The following RNF150 variants were observed in gnomAD, a reference collection of about 807,000 sequenced individuals.
RNF150 encodes ring finger protein 150.
Under a neutral mutation model 39.3 loss-of-function variants are expected in RNF150, and 24 were observed. The observed-to-expected ratio is 0.61, with a 90% CI of 0.44 to 0.86. The LOEUF (loss-of-function observed/expected upper bound fraction) is 0.86. Among genes scored for constraint, RNF150 ranks in the 40% least tolerant of loss-of-function variants. The pLI is 0.00. For synonymous variants in RNF150, 255 were observed against 227.3 expected (o/e 1.12, Z -1.10); for missense variants, 502 against 587.8 (o/e 0.85, Z 1.51).
chr4:141,047,239 T>A (rs1411854382), intron 1 of RNF150, among the ~76,000 whole-genome samples: 1 of 152,140 alleles, frequency 6.6e-6, no homozygotes, highest in East Asian at 1.9e-4. Context: ...CTTGCTAGTT[T>A]TTTACATATG....
At chr4:140,992,744 T>TC in intron 1 of RNF150, among the ~76,000 whole-genome samples, 1 of 152,140 alleles carries the variant, frequency 6.6e-6, no homozygotes, top group East Asian at 1.9e-4. Flanking sequence ...GCCATTCTCC[T>TC]CCCCCTTTCA....
chr4:141,047,237 T>G (rs1424028730), intron 1 of RNF150, among the ~76,000 whole-genome samples: 1 of 152,164 alleles, frequency 6.6e-6, no homozygotes, highest in African/African-American at 2.4e-5. Flanking sequence ...TACTTGCTAG[T>G]TTTTTACATA....
chr4:141,097,115 A>C (rs1183705850), intron 1 of RNF150, among the ~76,000 whole-genome samples: 1 of 152,208 alleles, frequency 6.6e-6, no homozygotes, highest in Non-Finnish European at 1.5e-5. Context: ...TCAAACTATT[A>C]TTTACCAAAA....
At chr4:141,064,887 C>T (rs574508388) in intron 1 of RNF150, among the ~76,000 whole-genome samples, 9 of 152,232 alleles carry the variant, frequency 5.9e-5, no homozygotes, top group South Asian at 2.1e-4. Flanking sequence ...GTTTTTGAGA[C>T]GGAGTTTCAC....
chr4:140,891,514 G>A (rs1432723328), intron 6 of RNF150, among the ~76,000 whole-genome samples: 2 of 152,124 alleles, frequency 1.3e-5, no homozygotes, highest in Non-Finnish European at 2.9e-5. Context: ...ACTGCAACAA[G>A]CCCAGCTGAG....
At chr4:141,170,637 T>G (rs1727699379) in intron 1 of RNF150, among the ~76,000 whole-genome samples, 1 of 152,174 alleles carries the variant, frequency 6.6e-6, no homozygotes, top group South Asian at 2.1e-4. Context: ...AACTTTCATT[T>G]CGACCTCTGA....
chr4:141,109,086 T>A (rs900269294), intron 1 of RNF150, among the ~76,000 whole-genome samples: 5 of 152,224 alleles, frequency 3.3e-5, no homozygotes, highest in African/African-American at 1.2e-4. Flanking sequence ...GAGAGATACA[T>A]TAGCGGTCAC....
chr4:141,051,995 G>A (rs1390594028), intron 1 of RNF150, among the ~76,000 whole-genome samples: 1 of 152,158 alleles, frequency 6.6e-6, no homozygotes, highest in Non-Finnish European at 1.5e-5. Flanking sequence ...ATGGCGGAAG[G>A]CAAGGAGGAC....
intron 1 of RNF150, among the ~76,000 whole-genome samples, chr4:140,980,406 A>G (rs984632755): frequency 1.3e-5 from 2 of 152,114 alleles, no homozygotes; most frequent in Admixed American, 6.5e-5. Context: ...AAACAATCAC[A>G]GTATCATGGA....
intron 1 of RNF150, among the ~76,000 whole-genome samples, chr4:141,178,109 A>C (rs894864887): frequency 2.0e-5 from 3 of 152,152 alleles, no homozygotes; most frequent in African/African-American, 7.2e-5. Flanking sequence ...TGAAAAAAGC[A>C]CTTAGGAAAG....
chr4:141,162,996 C>T (rs1305798622), intron 1 of RNF150, among the ~76,000 whole-genome samples: 1 of 152,194 alleles, frequency 6.6e-6, no homozygotes, highest in Non-Finnish European at 1.5e-5. Flanking sequence ...AGGGAGCCAA[C>T]GGGTCTAACT....
intron 6 of RNF150, among the ~76,000 whole-genome samples, chr4:140,873,187 C>T (rs151006925): frequency 1.3e-5 from 2 of 152,178 alleles, no homozygotes; most frequent in East Asian, 1.9e-4. Flanking sequence ...AATTTGTCTT[C>T]GAAAAAGGAA....
At chr4:141,078,846 CACAT>C (rs1451298932) in intron 1 of RNF150, among the ~76,000 whole-genome samples, 4 of 141,362 alleles carry the variant, frequency 2.8e-5, no homozygotes, top group African/African-American at 8.1e-5. Flanking sequence ...CACACACACA[CACAT>C]ACATACATAC....
chr4:141,010,381 G>T (rs1735030783), intron 1 of RNF150, among the ~76,000 whole-genome samples: 1 of 152,128 alleles, frequency 6.6e-6, no homozygotes, highest in Non-Finnish European at 1.5e-5. Context: ...ATTTACTCAG[G>T]TTGAAACTAA....
intron 1 of RNF150, among the ~76,000 whole-genome samples, chr4:141,003,171 G>T (rs114773485): frequency 0.015 from 2,338 of 152,092 alleles, 55 homozygotes; most frequent in African/African-American, 0.053. Context: ...AATGAATAAA[G>T]AATTGAATTT....
At chr4:140,958,666 T>C (rs948289885) in intron 2 of RNF150, among the ~76,000 whole-genome samples, 7 of 152,082 alleles carry the variant, frequency 4.6e-5, no homozygotes, top group Non-Finnish European at 1.0e-4. Flanking sequence ...CCCATGACTG[T>C]GGTTTCCTCT....
chr4:141,012,524 G>A (rs1474451247), intron 1 of RNF150, among the ~76,000 whole-genome samples: 3 of 152,150 alleles, frequency 2.0e-5, no homozygotes, highest in South Asian at 2.1e-4. Flanking sequence ...TAGACCGGAC[G>A]TGTTGGCTCA....
At chr4:141,116,906 T>C (rs1293228069) in intron 1 of RNF150, among the ~76,000 whole-genome samples, 2 of 151,002 alleles carry the variant, frequency 1.3e-5, no homozygotes, top group African/African-American at 4.9e-5. Flanking sequence ...AAACCAAACA[T>C]CGCATGTTCT....
chr4:141,138,341 C>T (rs1464868574), upstream of RNF150, among the ~76,000 whole-genome samples: 1 of 151,870 alleles, frequency 6.6e-6, no homozygotes, highest in African/African-American at 2.4e-5. Flanking sequence ...TTTTTTGATG[C>T]CTGTTTAATT....
Sources: allele counts gnomAD v4.1 joint callset (sites outside exome capture counted in the v4.1 genomes callset), GRCh38; gene constraint gnomAD v4.1.1; transcripts MANE v1.5; gene names NCBI Gene and HGNC (gene_info 2026-07-23, HGNC 2026-07-21).